HSP90AA1: variants seen among roughly 807,000 people sequenced by gnomAD.
The protein encoded by HSP90AA1 is heat shock protein 90 alpha family class A member 1, also known as heat shock protein HSP 90-alpha.
HSP90AA1 carries 18 observed loss-of-function variants against 73.3 expected under a neutral mutation model. The observed-to-expected ratio is 0.25, with a 90% CI of 0.17 to 0.36. The LOEUF (loss-of-function observed/expected upper bound fraction) is 0.36. Ranked by LOEUF, HSP90AA1 falls within the 10% of genes least tolerant of loss-of-function variation. The probability of loss-of-function intolerance (pLI) is 1.00; values close to 1 mark genes in which losing one functional copy is unlikely to be tolerated. For missense variants in HSP90AA1, 704 were observed against 874.2 expected (o/e 0.81, Z 2.45); for synonymous variants, 477 against 296.9 (o/e 1.61, Z -6.24).
At chr14:102,113,724 A>G (rs1212843966) in intron 1 of HSP90AA1, among the ~76,000 whole-genome samples, 1 of 149,380 alleles carries the variant, frequency 6.7e-6, no homozygotes, top group Non-Finnish European at 1.5e-5. Flanking sequence ...TTATTTGTTT[A>G]TTTTGAGACG....
At chr14:102,122,433 A>G (rs1022456863) in intron 1 of HSP90AA1, among the ~76,000 whole-genome samples, 4 of 151,764 alleles carry the variant, frequency 2.6e-5, no homozygotes, top group Admixed American at 1.3e-4. Context: ...GGTGCCCACA[A>G]CCACACCCGG....
At position 102,082,795 on chromosome 14, in the gene HSP90AA1, T is replaced by A. The variant is rs929879717; in HGVS notation, c.1755+239A>T. ...CCACCACGCCTGGTTTATTTTTTTC[T>A]ATTTTTAGTAGAGACTGAGTTTCAC... On this transcript the variant is annotated intron_variant, in intron 9 of 10. Transcript: ENST00000216281. 9 of 523,678 alleles carry A rather than the reference T, an allele frequency of 1.7e-5. No individual in the cohort carries two copies. The African/African-American group carries it at 1.7e-4, about 10-fold the overall frequency. 32.4% of individuals were successfully genotyped at this position (523,678 alleles called of 1,614,324 possible).
At position 102,085,237 on chromosome 14, in the gene HSP90AA1, A is replaced by G. The variant is rs896572261; in HGVS notation, c.663+61T>C. The G allele has an allele frequency of 5.8e-6, 9 of 1,544,480 alleles. No homozygotes were observed. The East Asian group carries it at 1.8e-4, about 31-fold the overall frequency. On this transcript the variant is annotated intron_variant, in intron 4 of 10. Transcript: ENST00000216281. ...GAACAGATCTAGGGACTAAGGATGT[A>G]GTACAGTCACCCCAATCACCTACAG...
At chr14:102,094,028 CAG>C (rs1319808617) in intron 2 of HSP90AA1, among the ~76,000 whole-genome samples, 1 of 152,082 alleles carries the variant, frequency 6.6e-6, no homozygotes, top group African/African-American at 2.4e-5. Context: ...ATTGATGTTT[CAG>C]AGTCGACCCT....
chr14:102,090,196 C>T (rs1476453887), upstream of HSP90AA1, among the ~76,000 whole-genome samples: 2 of 152,212 alleles, frequency 1.3e-5, no homozygotes, highest in Non-Finnish European at 2.9e-5. Flanking sequence ...CTGCCTGGAA[C>T]ACCATTCCCT....
chr14:102,130,879 G>A (rs200520012), intron 1 of HSP90AA1, among the ~76,000 whole-genome samples: 2 of 151,932 alleles, frequency 1.3e-5, no homozygotes, highest in East Asian at 1.9e-4. Flanking sequence ...ACACCACCAC[G>A]CTAATTTTTA....
chr14:102,102,069 A>G (rs779199613), exon 2 of HSP90AA1: 2 of 1,613,610 alleles, frequency 1.2e-6, no homozygotes, highest in Non-Finnish European at 1.7e-6. Context: ...TCTTGGTACC[A>G]GTTAACAGGT....
At chr14:102,138,697 C>G (rs556588684) in intron 1 of HSP90AA1, among the ~76,000 whole-genome samples, 6 of 152,164 alleles carry the variant, frequency 3.9e-5, no homozygotes, top group Non-Finnish European at 7.4e-5. Flanking sequence ...ATCTGAACTT[C>G]CAGGAATAGA....
At chr14:102,137,268 G>A (rs1015145600) in intron 1 of HSP90AA1, among the ~76,000 whole-genome samples, 1 of 151,354 alleles carries the variant, frequency 6.6e-6, no homozygotes, top group Non-Finnish European at 1.5e-5. Flanking sequence ...TTAAATTCCC[G>A]GTTTGAAATT....
chr14:102,122,281 C>CTTTT (rs35837326), intron 1 of HSP90AA1, among the ~76,000 whole-genome samples: 1 of 118,742 alleles, frequency 8.4e-6, no homozygotes, highest in African/African-American at 3.1e-5. Flanking sequence ...TGTTTAAAGA[C>CTTTT]TTTTTTTTTT....
intron 2 of HSP90AA1, among the ~76,000 whole-genome samples, chr14:102,097,617 G>A (rs1290785923): frequency 1.3e-5 from 2 of 152,126 alleles, no homozygotes; most frequent in East Asian, 1.9e-4. Context: ...AGTGCCCAGA[G>A]GGCTTGTTTA....
intron 1 of HSP90AA1, among the ~76,000 whole-genome samples, chr14:102,107,168 T>C (rs2049579495): frequency 6.6e-6 from 1 of 151,998 alleles, no homozygotes; most frequent in Admixed American, 6.6e-5. Flanking sequence ...CCTCATATCC[T>C]GAGCCCTTTA....
chr14:102,099,396 TAAA>T (rs1166665264), intron 2 of HSP90AA1, among the ~76,000 whole-genome samples: 1 of 152,144 alleles, frequency 6.6e-6, no homozygotes, highest in Non-Finnish European at 1.5e-5. Flanking sequence ...CCATCTCTAC[TAAA>T]AACACAAAAT....
chr14:102,091,582 C>G (rs1466040223), upstream of HSP90AA1, among the ~76,000 whole-genome samples: 19 of 151,912 alleles, frequency 1.3e-4, no homozygotes. Flanking sequence ...GCCGAGATTG[C>G]ACCACTGCAC....
At chr14:102,120,327 C>G (rs2049760281) in intron 1 of HSP90AA1, among the ~76,000 whole-genome samples, 1 of 152,128 alleles carries the variant, frequency 6.6e-6, no homozygotes, top group Non-Finnish European at 1.5e-5. Context: ...CCACTGCACT[C>G]TATCCTGGGT....
intron 1 of HSP90AA1, among the ~76,000 whole-genome samples, chr14:102,113,285 A>C (rs140702681): frequency 1.2e-3 from 178 of 151,290 alleles, no homozygotes; most frequent in South Asian, 4.8e-3. Context: ...TGGCCTCCCA[A>C]AGTACTGGGA....
upstream of HSP90AA1, among the ~76,000 whole-genome samples, chr14:102,090,867 A>C (rs898232796): frequency 6.6e-5 from 10 of 152,162 alleles, no homozygotes; most frequent in Admixed American, 5.2e-4. Context: ...TTCCTCCTCT[A>C]TTTGAAAGCT....
upstream of HSP90AA1, among the ~76,000 whole-genome samples, chr14:102,089,394 C>G (rs2049322172): frequency 6.6e-6 from 1 of 152,190 alleles, no homozygotes; most frequent in African/African-American, 2.4e-5. Context: ...CTTTCCAGCT[C>G]TCCCCCCTCG....
chr14:102,135,420 G>A (rs1281041765), intron 1 of HSP90AA1, among the ~76,000 whole-genome samples: 1 of 152,286 alleles, frequency 6.6e-6, no homozygotes, highest in Non-Finnish European at 1.5e-5. Context: ...AACACAGGGT[G>A]CTGATTGGTG....
Sources: allele counts gnomAD v4.1 joint callset (sites outside exome capture counted in the v4.1 genomes callset), GRCh38; gene constraint gnomAD v4.1.1; transcripts MANE v1.5; gene names NCBI Gene and HGNC (gene_info 2026-07-23, HGNC 2026-07-21).